Variants in RSRC1 observed in about 807,000 individuals in gnomAD.
RSRC1 encodes the protein arginine and serine rich coiled-coil 1, also known as serine/Arginine-related protein 53.
RSRC1 carries 39 observed loss-of-function variants against 49.1 expected under a neutral mutation model. That is an observed-to-expected ratio of 0.79 (90% CI 0.61 to 1.04). The LOEUF (loss-of-function observed/expected upper bound fraction) is 1.04, where lower values mean the gene tolerates loss of function less well. RSRC1 is among the 50% of genes least tolerant of loss of function. The pLI is 0.00. For synonymous variants in RSRC1, 143 were observed against 130.8 expected (o/e 1.09, Z -0.63); for missense variants, 388 against 402.4 (o/e 0.96, Z 0.31).
At position 158,507,799 on chromosome 3, in the gene RSRC1, A is replaced by G. The variant is rs531909648; in HGVS notation, c.653-29293A>G. On this transcript the variant is annotated intron_variant, in intron 7 of 9. Coordinates refer to ENST00000611884, the MANE Select transcript of RSRC1 (RefSeq NM_001271838.2). ...TTTTAATCCAGGGCATTGGCCAGGT[A>G]TGATGGCTCACTCTTATAATCCCAG... is the stretch of plus-strand genomic sequence containing the variant. Among the ~76,000 whole-genome samples the G allele has an allele frequency of 1.7e-3, 255 of 152,304 alleles. 2 individuals are homozygous for G. Among genetic ancestry groups the G allele is most frequent in the Non-Finnish European group, 3.1e-3 (211 of 68,024 alleles).
At chr3:158,185,562 A>G (rs1057417803) in intron 3 of RSRC1, among the ~76,000 whole-genome samples, 6 of 151,936 alleles carry the variant, frequency 3.9e-5, no homozygotes, top group Middle Eastern at 3.2e-3. Context: ...AAAATTATTC[A>G]TTCTACTCCT....
chr3:158,389,579 C>A (rs1033884426), intron 6 of RSRC1, among the ~76,000 whole-genome samples: 1 of 152,148 alleles, frequency 6.6e-6, no homozygotes. Context: ...AAATTATCTT[C>A]TGAAGTGGTA....
chr3:158,145,484 G>C (rs1350716610), intron 3 of RSRC1, among the ~76,000 whole-genome samples: 8 of 152,132 alleles, frequency 5.3e-5, no homozygotes, highest in Non-Finnish European at 1.2e-4. Context: ...CTGTTCCATT[G>C]GGCTATATCT....
chr3:158,325,113 A>G (rs1342367476), intron 5 of RSRC1, among the ~76,000 whole-genome samples: 1 of 152,132 alleles, frequency 6.6e-6, no homozygotes, highest in Non-Finnish European at 1.5e-5. Flanking sequence ...AGTTCTTTGT[A>G]GATTCTGGAT....
At chr3:158,455,717 C>T (rs1737273313) in intron 6 of RSRC1, among the ~76,000 whole-genome samples, 1 of 152,004 alleles carries the variant, frequency 6.6e-6, no homozygotes, top group African/African-American at 2.4e-5. Context: ...CGGTGGCTTA[C>T]GCCTGTAATC....
intron 7 of RSRC1, among the ~76,000 whole-genome samples, chr3:158,481,107 T>TTGTG (rs1482554467): frequency 6.6e-6 from 1 of 152,072 alleles, no homozygotes; most frequent in Non-Finnish European, 1.5e-5. Flanking sequence ...GTGGGCTGAT[T>TTGTG]TGTGGGCCGC....
chr3:158,173,636 T>A (rs1719014428), intron 3 of RSRC1, among the ~76,000 whole-genome samples: 2 of 152,002 alleles, frequency 1.3e-5, no homozygotes, highest in Non-Finnish European at 2.9e-5. Flanking sequence ...ATGAAAACAT[T>A]TATCCACACA....
At chr3:158,153,165 C>A (rs1717654088) in intron 3 of RSRC1, among the ~76,000 whole-genome samples, 1 of 152,148 alleles carries the variant, frequency 6.6e-6, no homozygotes, top group African/African-American at 2.4e-5. Context: ...TTCTCAGTCA[C>A]ATTTGCTTAT....
At chr3:158,304,848 A>T (rs771052132) in intron 5 of RSRC1, among the ~76,000 whole-genome samples, 3 of 152,170 alleles carry the variant, frequency 2.0e-5, no homozygotes, top group Non-Finnish European at 4.4e-5. Context: ...CCAATTCCAT[A>T]AATCTTTCTC....
intron 4 of RSRC1, among the ~76,000 whole-genome samples, chr3:158,262,850 T>C (rs1559967144): frequency 6.6e-6 from 1 of 152,130 alleles, no homozygotes; most frequent in Non-Finnish European, 1.5e-5. Flanking sequence ...AGATTACTTA[T>C]TGCTGATATA....
intron 3 of RSRC1, among the ~76,000 whole-genome samples, chr3:158,172,585 C>T (rs1718939756): frequency 6.6e-6 from 1 of 152,134 alleles, no homozygotes; most frequent in Admixed American, 6.5e-5. Flanking sequence ...TTAGTTGACC[C>T]TTCTAGGTTA....
intron 6 of RSRC1, among the ~76,000 whole-genome samples, chr3:158,432,341 G>A (rs2108359122): frequency 1.3e-5 from 2 of 152,060 alleles, no homozygotes; most frequent in Admixed American, 1.3e-4. Context: ...ATGAAAATAA[G>A]CATTAAGTGA....
At chr3:158,311,670 C>T (rs1728136867) in intron 5 of RSRC1, among the ~76,000 whole-genome samples, 2 of 151,944 alleles carry the variant, frequency 1.3e-5, no homozygotes, top group Admixed American at 1.3e-4. Flanking sequence ...GTTAATGATA[C>T]TGTGTTTTAT....
intron 6 of RSRC1, among the ~76,000 whole-genome samples, chr3:158,420,333 T>A (rs889807694): frequency 1.3e-5 from 2 of 151,924 alleles, no homozygotes; most frequent in African/African-American, 2.4e-5. Context: ...ATGAAAAGAT[T>A]TACAGTGGCT....
At chr3:158,161,564 C>T (rs1486632866) in intron 3 of RSRC1, among the ~76,000 whole-genome samples, 3 of 151,990 alleles carry the variant, frequency 2.0e-5, no homozygotes, top group Admixed American at 2.0e-4. Context: ...GAGTTTGAGA[C>T]CAGCCTGGCC....
At chr3:158,260,923 T>C (rs1724858188) in intron 4 of RSRC1, among the ~76,000 whole-genome samples, 1 of 152,214 alleles carries the variant, frequency 6.6e-6, no homozygotes, top group African/African-American at 2.4e-5. Flanking sequence ...CTGCACCACA[T>C]GGCTGCTGCT....
At chr3:158,200,613 C>G (rs79471187) in intron 3 of RSRC1, among the ~76,000 whole-genome samples, 6,162 of 151,530 alleles carry the variant, frequency 0.041, 168 homozygotes, top group East Asian at 0.089. Context: ...TTAATAATTC[C>G]TTTAAAAGCA....
At chr3:158,196,969 T>C (rs1720662699) in intron 3 of RSRC1, among the ~76,000 whole-genome samples, 1 of 152,172 alleles carries the variant, frequency 6.6e-6, no homozygotes, top group Admixed American at 6.5e-5. Context: ...TCTCTTTTTT[T>C]GTTGTGTCTC....
intron 3 of RSRC1, among the ~76,000 whole-genome samples, chr3:158,148,055 T>C (rs531299915): frequency 6.6e-6 from 1 of 152,326 alleles, no homozygotes; most frequent in Non-Finnish European, 1.5e-5. Flanking sequence ...GTGGAACAAC[T>C]TGAATAGCTT....
Sources: allele counts gnomAD v4.1 joint callset (sites outside exome capture counted in the v4.1 genomes callset), GRCh38; gene constraint gnomAD v4.1.1; transcripts MANE v1.5; gene names NCBI Gene and HGNC (gene_info 2026-07-23, HGNC 2026-07-21).